WDFY3: variants seen among roughly 807,000 people sequenced by gnomAD.
WDFY3 encodes WD repeat and FYVE domain containing 3, also known as WD repeat and FYVE domain-containing protein 3.
A neutral mutation model predicts 409.6 loss-of-function variants in WDFY3; 66 were observed. That is an observed-to-expected ratio of 0.16 (90% CI 0.13 to 0.20). WDFY3 has a LOEUF of 0.20. WDFY3 is among the 10% of genes least tolerant of loss of function. The pLI is 1.00. For synonymous variants in WDFY3, 1,521 were observed against 1,537.1 expected (o/e 0.99, Z 0.25); for missense variants, 3,031 against 4,298.1 (o/e 0.71, Z 8.24).
At chr4:84,964,913 G>T (rs1245833656) in intron 1 of WDFY3, among the ~76,000 whole-genome samples, 1 of 152,142 alleles carries the variant, frequency 6.6e-6, no homozygotes, top group Non-Finnish European at 1.5e-5. Flanking sequence ...AGATAGAATG[G>T]TTCAAAGTAT....
Position 84,921,854 on chromosome 4 carries a change from AC to A in WDFY3, c.-132+10415del, listed in dbSNP as rs374467072. Among the ~76,000 whole-genome samples, 860 of 151,460 alleles carry A rather than the reference AC, an allele frequency of 5.7e-3. 14 individuals are homozygous for A. The highest frequency in any genetic ancestry group is 0.02 in the African/African-American group (806 of 41,324). ...ACATTTTTAGCAGAGACAAGGTTTC[AC>A]CATCTTAGCCAGGTTGGTCTTCAAC... On this transcript the variant is annotated intron_variant, in intron 2 of 67. Transcript: ENST00000295888.
chr4:84,683,890 T>C (rs1484203581), intron 63 of WDFY3, 53 bp downstream of exon 63: 2 of 1,519,406 alleles, frequency 1.3e-6, no homozygotes, highest in African/African-American at 2.7e-5. Context: ...TACAAGTTTC[T>C]GGTAAACTAG....
chr4:84,673,372 CA>C (rs1725744573), intron 67 of WDFY3, among the ~76,000 whole-genome samples: 1 of 152,114 alleles, frequency 6.6e-6, no homozygotes, highest in Non-Finnish European at 1.5e-5. Flanking sequence ...TGGAGCTTGA[CA>C]TATTTCTCTT....
rs1202487336 is a variant in WDFY3 at position 84,798,063 on chromosome 4, G to C, written c.2868C>G (p.Asp956Glu). ...CCCTATATTGTTTTAGCAGTTTTTT[G>C]TCCCAGGCACCACAATTTAAAGGAC... ...LASPLNCGAWDKKLLKQYRVH... is the reference protein window; with the variant it reads ...LASPLNCGAWEKKLLKQYRVH... The change falls in exon 18 of 68, where the codon GAC becomes GAG. Residue 956 changes from aspartate (D) to glutamate (E), a missense_variant. Around this residue, in one of 16 missense-constraint regions of WDFY3, gnomAD observed 1,322 missense variants for 1,697.9 expected, o/e 0.78. Transcript: ENST00000295888. 1 of 1,613,180 alleles carries C rather than the reference G, an allele frequency of 6.2e-7. No homozygotes were observed. The highest frequency in any genetic ancestry group is 1.7e-5 in the Admixed American group (1 of 59,924).
intron 1 of WDFY3, among the ~76,000 whole-genome samples, chr4:84,944,947 G>A (rs555385192): frequency 6.6e-6 from 1 of 152,158 alleles, no homozygotes; most frequent in African/African-American, 2.4e-5. Context: ...CCTTTTCTGT[G>A]TCATGATCAA....
chr4:84,919,658 G>T (rs1394357693), intron 2 of WDFY3, among the ~76,000 whole-genome samples: 1 of 152,014 alleles, frequency 6.6e-6, no homozygotes, highest in East Asian at 1.9e-4. Flanking sequence ...GTTTTATAAG[G>T]GACTTTTTCT....
chr4:84,912,876 A>T (rs1203972912), intron 2 of WDFY3, among the ~76,000 whole-genome samples: 2 of 152,184 alleles, frequency 1.3e-5, no homozygotes, highest in Non-Finnish European at 1.5e-5. Context: ...TATAATCATA[A>T]GTGTCCTCAT....
chr4:84,872,969 C>A (rs1038542232), intron 3 of WDFY3, among the ~76,000 whole-genome samples: 3 of 152,108 alleles, frequency 2.0e-5, no homozygotes, highest in African/African-American at 7.2e-5. Flanking sequence ...ACAAAGGGAT[C>A]ATTTCTCCAA....
intron 7 of WDFY3, among the ~76,000 whole-genome samples, chr4:84,832,107 A>G (rs1755825111): frequency 6.6e-6 from 1 of 152,176 alleles, no homozygotes; most frequent in Non-Finnish European, 1.5e-5. Context: ...CAACAGATGA[A>G]TGGATAAAGA....
intron 30 of WDFY3, among the ~76,000 whole-genome samples, chr4:84,768,870 A>C (rs1055495640): frequency 6.6e-6 from 1 of 152,228 alleles, no homozygotes; most frequent in African/African-American, 2.4e-5. Flanking sequence ...AAAATAAAGT[A>C]AATATTTTGG....
Position 84,794,398 on chromosome 4 carries a change from T to C in WDFY3, c.3487+121A>G. 8.1e-6 allele frequency: 8 copies of C among 990,548 alleles called. No individual in the cohort carries two copies. In the South Asian group the frequency reaches 1.2e-4, roughly 15 times the overall value. The allele number at this position is 990,548 out of a possible 1,614,324, so 61.4% of individuals were successfully genotyped here. On this transcript the variant is annotated intron_variant, in intron 21 of 67. Coordinates refer to ENST00000295888, the MANE Select transcript of WDFY3 (RefSeq NM_014991.6). Reference sequence around the variant, plus strand: ...GCAATATTCAATGTTTTATGTAACTTGTTCTATGCTATAATAATTTAAGCT... The same window carrying C: ...GCAATATTCAATGTTTTATGTAACTCGTTCTATGCTATAATAATTTAAGCT...
At chr4:84,787,768 T>G in intron 22 of WDFY3, 55 bp from the exon 23 acceptor site, 1 of 1,429,108 alleles carries the variant, frequency 7.0e-7, no homozygotes, top group Non-Finnish European at 9.7e-7. Flanking sequence ...CCCAGGAAAA[T>G]AACTACTTCA....
intron 47 of WDFY3, 129 bp downstream of exon 47, chr4:84,721,280 G>A: frequency 1.6e-6 from 2 of 1,267,758 alleles, no homozygotes; most frequent in Non-Finnish European, 2.2e-6. Context: ...GAACCCAAAA[G>A]GCTGCTTAAG....
At chr4:84,801,994 C>A in intron 16 of WDFY3, 130 bp from the exon 17 acceptor site, 2 of 871,690 alleles carry the variant, frequency 2.3e-6, no homozygotes, top group Non-Finnish European at 3.5e-6. Context: ...GTTGTCCAGG[C>A]TGGAGTGCAA....
intron 1 of WDFY3, among the ~76,000 whole-genome samples, chr4:84,954,311 CAAT>C (rs765844674): frequency 2.0e-5 from 3 of 152,142 alleles, no homozygotes; most frequent in Non-Finnish European, 4.4e-5. Flanking sequence ...AATCAATACA[CAAT>C]GATTGTTCTA....
chr4:84,819,080 T>G (rs965175905), intron 12 of WDFY3, among the ~76,000 whole-genome samples: 2 of 152,096 alleles, frequency 1.3e-5, no homozygotes, highest in African/African-American at 4.8e-5. Context: ...TCATACTCAT[T>G]GTTTCAATTA....
At chr4:84,696,249 C>T in intron 57 of WDFY3, 67 bp from the exon 58 acceptor site, 1 of 1,477,834 alleles carries the variant, frequency 6.8e-7, no homozygotes, top group Middle Eastern at 1.8e-4. Flanking sequence ...CTAGAAAAAC[C>T]TTGGTAAGTG....
At chr4:84,752,304 A>C (rs1740669404) in intron 35 of WDFY3, among the ~76,000 whole-genome samples, 1 of 152,170 alleles carries the variant, frequency 6.6e-6, no homozygotes, top group African/African-American at 2.4e-5. Flanking sequence ...ACCTGAGATC[A>C]GGAGTTCGAG....
At chr4:84,771,298 T>C (rs1744642004) in intron 30 of WDFY3, among the ~76,000 whole-genome samples, 3 of 152,072 alleles carry the variant, frequency 2.0e-5, no homozygotes, top group Non-Finnish European at 2.9e-5. Context: ...CCAACACACC[T>C]GGTTAATTTT....
Sources: allele counts gnomAD v4.1 joint callset (sites outside exome capture counted in the v4.1 genomes callset), GRCh38; gene constraint gnomAD v4.1.1; regional missense constraint gnomAD v4.1.1; transcripts MANE v1.5; gene names NCBI Gene and HGNC (gene_info 2026-07-23, HGNC 2026-07-21).